The following MYO1F variants were observed in gnomAD, a reference collection of about 807,000 sequenced individuals.
The protein encoded by MYO1F is myosin IF.
Under a neutral mutation model 146.6 loss-of-function variants are expected in MYO1F, and 60 were observed. The observed-to-expected ratio is 0.41, with a 90% confidence interval of 0.33 to 0.51. The LOEUF (loss-of-function observed/expected upper bound fraction) is 0.51. Among genes scored for constraint, MYO1F ranks in the 20% least tolerant of loss-of-function variants. MYO1F has a pLI of 0.25. For missense variants in MYO1F, 1,274 were observed against 1,534.3 expected, an observed-to-expected ratio of 0.83 and a Z score of 2.83; for synonymous variants, 602 against 602.1, an observed-to-expected ratio of 1.00 and a Z score of 0.00.
intron 1 of MYO1F, among the ~76,000 whole-genome samples, chr19:8,568,086 G>A (rs996517933): frequency 1.3e-5 from 2 of 152,130 alleles, no homozygotes; most frequent in African/African-American, 2.4e-5. Flanking sequence ...TCCTGCCCCA[G>A]GCACTAGAGG....
chr19:8,553,922 T>TCTCTCTCTCTCG (rs774720685), intron 4 of MYO1F, among the ~76,000 whole-genome samples: 1 of 149,012 alleles, frequency 6.7e-6, no homozygotes, highest in Non-Finnish European at 1.5e-5. Flanking sequence ...TCTCTCTCTC[T>TCTCTCTCTCTCG]CGCTCTCTTT....
chr19:8,555,651 CA>C lies in MYO1F; in HGVS notation c.141+7del. The C allele has an allele frequency of 6.2e-7, 1 of 1,614,092 alleles. No individual in the cohort carries two copies. The highest frequency in any genetic ancestry group is 8.5e-7 in the Non-Finnish European group (1 of 1,180,016). On this transcript the variant is annotated splice_region_variant and intron_variant, in intron 2 of 27. Transcript: ENST00000644032. ...TGCCTGCCCACCCCCAGCCTTGGCC[CA>C]GGGTACGAAGATGTAGTCGTCCATG...
At chr19:8,525,617 G>A (rs1972234801) in intron 24 of MYO1F, 55 bp from the exon 25 acceptor site, 4 of 1,478,932 alleles carry the variant, frequency 2.7e-6, no homozygotes, top group East Asian at 2.3e-5. Flanking sequence ...TCTTTGCCCC[G>A]CCCACAAATC....
rs111752889 is a variant in MYO1F at position 8,534,630 on chromosome 19, AT to A, written c.2043+1621del. Among the ~76,000 whole-genome samples, 497 of 129,688 alleles carry A rather than the reference AT, an allele frequency of 3.8e-3. 5 individuals are homozygous for A. The highest frequency in any genetic ancestry group is 2.7e-3 in the South Asian group (11 of 4,086). 85.1% of individuals were successfully genotyped at this position (129,688 alleles called of 152,430 possible). On this transcript the variant is annotated intron_variant, in intron 19 of 27. Coordinates refer to ENST00000644032, the MANE Select transcript of MYO1F (RefSeq NM_012335.4). ...CTTTTCTTCTATTTTCATTTTACTA[AT>A]TTTTTTTTTTTTGAGATGGAGTCTC...
chr19:8,544,576 G>C, intron 13 of MYO1F, 112 bp from the exon 14 acceptor site: 1 of 1,028,226 alleles, frequency 9.7e-7, no homozygotes, highest in Non-Finnish European at 1.4e-6. Context: ...GAGGGAGCTA[G>C]AGCTTTGGGG....
intron 25 of MYO1F, among the ~76,000 whole-genome samples, chr19:8,523,519 T>C (rs2145820893): frequency 6.6e-6 from 1 of 152,082 alleles, no homozygotes; most frequent in East Asian, 1.9e-4. Flanking sequence ...AGTTGATTTT[T>C]ATAATTTTTA....
chr19:8,560,309 C>T (rs988019140), intron 1 of MYO1F, among the ~76,000 whole-genome samples: 12 of 151,542 alleles, frequency 7.9e-5, no homozygotes, highest in Admixed American at 7.3e-4. Context: ...ATGGTGAAAC[C>T]CCATCTCTAC....
chr19:8,530,369 CG>C lies in MYO1F; in HGVS notation c.2159-5del. 6.2e-7 allele frequency: 1 copy of C among 1,614,078 alleles called. No individual in the cohort carries two copies. The highest frequency in any genetic ancestry group is 1.7e-5 in the Admixed American group (1 of 60,010). On this transcript the variant is annotated splice_polypyrimidine_tract_variant and splice_region_variant and intron_variant, in intron 20 of 27. Coordinates refer to ENST00000644032, the MANE Select transcript of MYO1F (RefSeq NM_012335.4). The surrounding 1 kb of genome is among the most constrained non-coding windows in gnomAD (Gnocchi z 5.8). The stretch of plus-strand genomic sequence containing the variant: ...TTGTTCAGCAGGATGTTGGAAGCTG[CG>C]GGGACAGAGGGTGGAGGGCAGAGCT...
chr19:8,527,859 C>G (rs1273652372), intron 21 of MYO1F, among the ~76,000 whole-genome samples: 2 of 152,194 alleles, frequency 1.3e-5, no homozygotes, highest in Non-Finnish European at 2.9e-5. Context: ...GCAAACTGTC[C>G]TCCTTGGCCT....
chr19:8,526,724 G>A, intron 23 of MYO1F, 65 bp downstream of exon 23: 1 of 1,540,988 alleles, frequency 6.5e-7, no homozygotes, highest in South Asian at 1.2e-5. Flanking sequence ...CGGGTCGGTG[G>A]GGCGGGAGAG....
intron 1 of MYO1F, among the ~76,000 whole-genome samples, chr19:8,566,894 T>C (rs899792464): frequency 4.6e-5 from 7 of 151,984 alleles, no homozygotes; most frequent in African/African-American, 1.7e-4. Flanking sequence ...TAGGCTGGTC[T>C]TGAACTCCTG....
chr19:8,523,849 G>A (rs62119397), intron 25 of MYO1F, among the ~76,000 whole-genome samples: 4,227 of 152,146 alleles, frequency 0.028, 105 homozygotes, highest in South Asian at 0.048. Flanking sequence ...GGCTAGGCGC[G>A]GTGGCTCACG....
chr19:8,575,900 C>T (rs1271003567), intron 1 of MYO1F, among the ~76,000 whole-genome samples: 2 of 152,208 alleles, frequency 1.3e-5, no homozygotes, highest in African/African-American at 4.8e-5. Context: ...GGACCTGAGC[C>T]TCCCTGGCTT....
chr19:8,553,265 CTG>C (rs767200684), intron 5 of MYO1F, 37 bp from the exon 6 acceptor site: 64 of 1,612,388 alleles, frequency 4.0e-5, no homozygotes, highest in Non-Finnish European at 5.3e-5. Context: ...AGAAGTCAGA[CTG>C]AGGCAGGAGT....
At chr19:8,543,451 G>T (rs1252896975) in intron 14 of MYO1F, among the ~76,000 whole-genome samples, 1 of 152,098 alleles carries the variant, frequency 6.6e-6, no homozygotes, top group South Asian at 2.1e-4. Context: ...ATCAGAAGGT[G>T]GGGGGCTGTG....
chr19:8,550,969 A>C (rs572465838), intron 8 of MYO1F, among the ~76,000 whole-genome samples: 19 of 148,358 alleles, frequency 1.3e-4, no homozygotes, highest in African/African-American at 4.5e-4. Context: ...CAACCTCCTC[A>C]TCCCAGGTTC....
chr19:8,574,607 TTC>T (rs1568381403), intron 1 of MYO1F, among the ~76,000 whole-genome samples: 6 of 49,256 alleles, frequency 1.2e-4, no homozygotes, highest in Non-Finnish European at 2.3e-4. Context: ...CTTTCTTTCT[TTC>T]TTTCTTTCTT....
intron 1 of MYO1F, among the ~76,000 whole-genome samples, chr19:8,574,597 CTT>C (rs553651256): frequency 0.061 from 3,903 of 63,786 alleles, 173 homozygotes; most frequent in African/African-American, 0.12. Context: ...CTCTCTCTCT[CTT>C]TCTTTCTTTC....
intron 1 of MYO1F, among the ~76,000 whole-genome samples, chr19:8,570,642 C>T (rs782596546): frequency 3.3e-5 from 5 of 151,542 alleles, no homozygotes; most frequent in East Asian, 3.9e-4. Flanking sequence ...GCTGGAATGA[C>T]GGGCACTGGG....
Sources: gnomAD v4.1 joint callset for allele counts (sites outside exome capture counted in the v4.1 genomes callset) on GRCh38, gnomAD v4.1.1 for gene constraint, Gnocchi (gnomAD v3.1) non-coding constraint, MANE v1.5 for transcripts, NCBI Gene and HGNC (gene_info 2026-07-23, HGNC 2026-07-21) for gene names.